The following AGRN variants were observed in gnomAD, a reference collection of about 807,000 sequenced individuals.
The protein encoded by AGRN is agrin.
In AGRN, 106 loss-of-function variants were observed where a neutral mutation model predicts 211.0. The observed-to-expected ratio is 0.50, with a 90% CI of 0.43 to 0.59. The LOEUF is 0.59. Among genes scored for constraint, AGRN ranks in the 20% least tolerant of loss-of-function variants. AGRN has a pLI of 0.00. For synonymous variants in AGRN, 1,525 were observed against 1,332.5 expected, an observed-to-expected ratio of 1.14 and a Z score of -3.15; for missense variants, 3,040 against 2,982.6, an observed-to-expected ratio of 1.02 and a Z score of -0.45.
At chr1:1,052,513 CCG>C in intron 33 of AGRN, 1 of 194,290 alleles carries the variant, frequency 5.1e-6, no homozygotes, top group South Asian at 5.3e-5. Context: ...AGGTATGTGT[CCG>C]TGTGTGTGTG....
Position 1,053,994 on chromosome 1 carries a change from G to C in AGRN, c.5876+17G>C. On this transcript the variant is annotated intron_variant, in intron 34 of 35. Transcript: ENST00000379370. Reference sequence around the variant, plus strand: ...GGCACATAGGTGAGTAGGGAACCCAGCGTGCCGAGAATAGTGGCGAGGGCT... The same window carrying C: ...GGCACATAGGTGAGTAGGGAACCCACCGTGCCGAGAATAGTGGCGAGGGCT... The C allele has an allele frequency of 6.3e-7, 1 of 1,579,930 alleles. No individual in the cohort carries two copies.
At chr1:1,029,578 C>T (rs1644605270) in intron 2 of AGRN, among the ~76,000 whole-genome samples, 1 of 151,966 alleles carries the variant, frequency 6.6e-6, no homozygotes, top group Non-Finnish European at 1.5e-5. Context: ...CCAGGAATAC[C>T]CATTGTGTGG....
At chr1:1,052,120 G>A (rs528610085) in intron 33 of AGRN, 7 of 1,321,002 alleles carry the variant, frequency 5.3e-6, no homozygotes, top group Non-Finnish European at 6.1e-6. Context: ...CATCCCTTGT[G>A]GCGGAGGATG....
At chr1:1,023,583 G>A (rs903537303) in intron 2 of AGRN, among the ~76,000 whole-genome samples, 3 of 152,172 alleles carry the variant, frequency 2.0e-5, no homozygotes, top group African/African-American at 7.2e-5. Flanking sequence ...AGGAGCTGAG[G>A]AGGGGCTGGA....
intron 2 of AGRN, among the ~76,000 whole-genome samples, chr1:1,033,942 G>A (rs1644736786): frequency 6.6e-6 from 1 of 151,630 alleles, no homozygotes; most frequent in South Asian, 2.1e-4. Flanking sequence ...CCCTGGAGGC[G>A]GCTTCCTTTG....
Position 1,045,840 on chromosome 1 carries a change from GACGGCCGTGCC to G in AGRN, c.2645_2655del (p.Asp882AlafsTer7), listed in dbSNP as rs1230596564. On this transcript the variant is annotated frameshift_variant, in exon 15 of 36. Coordinates refer to ENST00000379370, the MANE Select transcript of AGRN (RefSeq NM_198576.4). LOFTEE classifies it high-confidence loss of function. ...TGGACCCAAGTGTGGGCAGTGTCCA[GACGGCCGTGCC>G]CTGGGCCCCGCGGGCTGTGAAGCTG... 1 of 1,611,982 alleles carries G rather than the reference GACGGCCGTGCC, an allele frequency of 6.2e-7. No individual in the cohort carries two copies. The highest frequency in any genetic ancestry group is 8.5e-7 in the Non-Finnish European group (1 of 1,179,886).
chr1:1,020,197 C>T lies in AGRN; in HGVS notation c.25C>T (p.Pro9Ser). ...CATGGCCGGCCGGTCCCACCCGGGCCCGCTGCGGCCGCTGCTGCCGCTCCT... is the reference window on the plus strand; with the variant it reads ...CATGGCCGGCCGGTCCCACCCGGGCTCGCTGCGGCCGCTGCTGCCGCTCCT... MAGRSHPGPLRPLLPLLVV... is the reference protein window; with the variant it reads MAGRSHPGSLRPLLPLLVV... The change falls in exon 1 of 36, where the codon CCG becomes TCG. Residue 9 changes from proline to serine, a missense_variant. Transcript: ENST00000379370. 7.3e-7 allele frequency: 1 copy of T among 1,363,084 alleles called. No individual in the cohort carries two copies. Among genetic ancestry groups the T allele is most frequent in the South Asian group, 1.7e-5 (1 of 58,280 alleles). The allele number at this position is 1,363,084 out of a possible 1,614,324, so 84.4% of individuals were successfully genotyped here.
chr1:1,044,474 C>T (rs202210192), intron 12 of AGRN, 35 bp downstream of exon 12: 23 of 1,573,696 alleles, frequency 1.5e-5, no homozygotes, highest in African/African-American at 1.4e-4. Flanking sequence ...CAGGCACAGG[C>T]GGGGCGGCGT....
At position 1,055,272 on chromosome 1, in the gene AGRN, G is replaced by T; in HGVS notation, c.*291G>T. The T allele has an allele frequency of 2.1e-6, 1 of 469,278 alleles. No homozygotes were observed. Among genetic ancestry groups the T allele is most frequent in the Non-Finnish European group, 4.0e-6 (1 of 252,830 alleles). The allele number at this position is 469,278 out of a possible 1,614,324, so 29.1% of individuals were successfully genotyped here. ...CCCACGGTGTCCCCGCCGGGAAGCA[G>T]CCCCGGCTCCTGAATCACCCTCGCT... On this transcript the variant is annotated 3_prime_UTR_variant, in exon 36 of 36. Transcript: ENST00000379370.
At chr1:1,053,214 CATGTGGGTGTCTGT>C (rs1645359475) in intron 33 of AGRN, 1 of 307,802 alleles carries the variant, frequency 3.2e-6, no homozygotes, top group Non-Finnish European at 6.0e-6. Context: ...TGGGTGTCTG[CATGTGGGTGTCTGT>C]GCCCTCAAGT....
chr1:1,045,882 T>C lies in AGRN; in HGVS notation c.2680+6T>C, dbSNP rs748272401. ...CCCCGCGGGCTGTGAAGCTGGTGAG[T>C]GAGGGCCAGCGCTACCCTGGGGCTT... On this transcript the variant is annotated splice_donor_region_variant and intron_variant, in intron 15 of 35. Transcript: ENST00000379370. 12 of 1,610,024 alleles carry C rather than the reference T, an allele frequency of 7.5e-6. No individual in the cohort carries two copies. Among genetic ancestry groups the C allele is most frequent in the Non-Finnish European group, 1.0e-5 (12 of 1,179,814 alleles).
In AGRN at chr1:1,045,833, G is replaced by T. The variant is rs1267005027; in HGVS notation, c.2637G>T (p.Gln879His). 5 of 1,612,410 alleles carry T rather than the reference G, an allele frequency of 3.1e-6. No homozygotes were observed. Among genetic ancestry groups the T allele is most frequent in the Non-Finnish European group, 4.2e-6 (5 of 1,179,888 alleles). Residue 879 changes from glutamine (Q) to histidine (H), a missense_variant, in exon 15 of 36, where the codon CAG becomes CAT. By Grantham distance (24) the Gln-to-His change is conservative (BLOSUM62 0). This residue lies in a region of AGRN where 1,498 missense variants were observed against 1,457.8 expected (regional missense o/e 1.03). Transcript: ENST00000379370. ...GGGTGGCTGGACCCAAGTGTGGGCA[G>T]TGTCCAGACGGCCGTGCCCTGGGCC... ...KPGVAGPKCGQCPDGRALGPA... is the reference protein window; with the variant it reads ...KPGVAGPKCGHCPDGRALGPA...
At chr1:1,034,749 CG>C in intron 2 of AGRN, 1 of 1,009,128 alleles carries the variant, frequency 9.9e-7, no homozygotes, top group South Asian at 4.0e-5. Context: ...GCCCCAACCC[CG>C]AGGCCCCTGC....
chr1:1,041,291 G>A lies in AGRN; in HGVS notation c.846G>A (p.Gly282=). 6.6e-7 allele frequency: 1 copy of A among 1,515,680 alleles called. No homozygotes were observed. The highest frequency in any genetic ancestry group is 2.6e-5 in the East Asian group (1 of 38,722). The allele number at this position is 1,515,680 out of a possible 1,614,324, so 93.9% of individuals were successfully genotyped here. A position where few individuals can be genotyped will look rare whatever the true frequency, so the allele number is the denominator to read the frequency against. Residue 282 remains glycine (G), a synonymous_variant, in exon 5 of 36, where the codon GGG becomes GGA. Coordinates refer to ENST00000379370, the MANE Select transcript of AGRN (RefSeq NM_198576.4). The stretch of plus-strand genomic sequence containing the variant: ...CGACCTGCCGTGGCGCCCCCGAGGG[G>A]ACCGTCTGCGGCAGCGACGGCGCCG... ...CPATCRGAPE[G]TVCGSDGADY...
chr1:1,050,662 A>G, intron 29 of AGRN, 64 bp from the exon 30 acceptor site: 1 of 1,603,210 alleles, frequency 6.2e-7, no homozygotes, highest in Non-Finnish European at 8.5e-7. Flanking sequence ...CAGGTCGCTC[A>G]GGCCCTGGGT....
At chr1:1,043,157 G>A (rs1644991428) in intron 7 of AGRN, 82 bp from the exon 8 acceptor site, 17 of 1,443,316 alleles carry the variant, frequency 1.2e-5, no homozygotes, top group Non-Finnish European at 1.6e-5. Context: ...CCCTGGAAGA[G>A]GGACTGCTGC....
chr1:1,054,664 G>A lies in AGRN; in HGVS notation c.5980+113G>A, dbSNP rs1570262538. ...AGTCAGGGTGCATGTGAGCCGGCGGGCTGGGCTCTCTTCTCCCGCTGTAGC... is the reference window on the plus strand; with the variant it reads ...AGTCAGGGTGCATGTGAGCCGGCGGACTGGGCTCTCTTCTCCCGCTGTAGC... On this transcript the variant is annotated intron_variant, in intron 35 of 35. Coordinates refer to ENST00000379370, the MANE Select transcript of AGRN (RefSeq NM_198576.4). The A allele has an allele frequency of 2.7e-6, 4 of 1,486,692 alleles. No individual in the cohort carries two copies. The Admixed American group carries it at 5.9e-5, about 22-fold the overall frequency. The allele number at this position is 1,486,692 out of a possible 1,614,324, so 92.1% of individuals were successfully genotyped here.
intron 33 of AGRN, chr1:1,053,292 A>G: frequency 2.2e-6 from 1 of 464,996 alleles, no homozygotes; most frequent in South Asian, 2.0e-5. Context: ...TGTCCGCACA[A>G]GCATGTGTAG....
intron 5 of AGRN, 29 bp from the exon 6 acceptor site, chr1:1,041,449 G>T: frequency 6.4e-7 from 1 of 1,568,014 alleles, no homozygotes. Context: ...CGCGGCGACA[G>T]CGTCCTGACT....
Sources: allele counts gnomAD v4.1 joint callset (sites outside exome capture counted in the v4.1 genomes callset), GRCh38; gene constraint gnomAD v4.1.1; regional missense constraint gnomAD v4.1.1; transcripts MANE v1.5; gene names NCBI Gene and HGNC (gene_info 2026-07-23, HGNC 2026-07-21).